The following SNTB1 variants were observed in gnomAD, a reference collection of about 807,000 sequenced individuals.
SNTB1 encodes beta-1-syntrophin.
A neutral mutation model predicts 48.9 loss-of-function variants in SNTB1; 36 were observed. The observed-to-expected ratio is 0.74, with a 90% confidence interval of 0.56 to 0.97. The LOEUF is 0.97. Among genes scored for constraint, SNTB1 ranks in the 50% least tolerant of loss-of-function variants. The pLI, the probability that SNTB1 is intolerant of heterozygous loss-of-function variation, is 0.00. For missense variants in SNTB1, 786 were observed against 703.4 expected, an observed-to-expected ratio of 1.12 and a Z score of -1.33; for synonymous variants, 299 against 294.6, an observed-to-expected ratio of 1.01 and a Z score of -0.15.
At chr8:120,586,423 C>T (rs1049238378) in intron 3 of SNTB1, among the ~76,000 whole-genome samples, 2 of 152,144 alleles carry the variant, frequency 1.3e-5, no homozygotes, top group Admixed American at 1.3e-4. Context: ...GGGGAGAACC[C>T]TCTTCCTTGC....
At chr8:120,727,168 T>G (rs1463366771) in intron 1 of SNTB1, among the ~76,000 whole-genome samples, 1 of 152,172 alleles carries the variant, frequency 6.6e-6, no homozygotes, top group East Asian at 1.9e-4. Flanking sequence ...CTCTGACATG[T>G]GGGGTCAAAG....
At chr8:120,702,400 C>T (rs1269298594) in intron 1 of SNTB1, among the ~76,000 whole-genome samples, 1 of 152,224 alleles carries the variant, frequency 6.6e-6, no homozygotes, top group African/African-American at 2.4e-5. Flanking sequence ...CAGAGAAGTA[C>T]TGTTTAATTC....
At chr8:120,644,727 G>A (rs1479383223) in intron 2 of SNTB1, among the ~76,000 whole-genome samples, 27 of 150,780 alleles carry the variant, frequency 1.8e-4, no homozygotes, top group Non-Finnish European at 4.0e-4. Flanking sequence ...AGATCCCTGA[G>A]GAATCACCAC....
chr8:120,574,405 T>C (rs1815914096), intron 4 of SNTB1, among the ~76,000 whole-genome samples: 1 of 152,064 alleles, frequency 6.6e-6, no homozygotes, highest in Non-Finnish European at 1.5e-5. Flanking sequence ...AAGGAGGAAA[T>C]TTTTGGAGGT....
At chr8:120,725,143 A>T (rs1818731598) in intron 1 of SNTB1, among the ~76,000 whole-genome samples, 1 of 152,174 alleles carries the variant, frequency 6.6e-6, no homozygotes, top group Non-Finnish European at 1.5e-5. Flanking sequence ...GGCTGGGAAG[A>T]AGGAGGTAAG....
chr8:120,598,355 G>C (rs1002446764), intron 3 of SNTB1, among the ~76,000 whole-genome samples: 1 of 152,160 alleles, frequency 6.6e-6, no homozygotes, highest in Non-Finnish European at 1.5e-5. Context: ...TGTAACACCA[G>C]CCCCACTTCT....
chr8:120,644,041 C>G (rs894151618), intron 2 of SNTB1, among the ~76,000 whole-genome samples: 30 of 152,150 alleles, frequency 2.0e-4, no homozygotes, highest in African/African-American at 7.0e-4. Flanking sequence ...CATAGAGAAG[C>G]TTTCAGATGA....
At chr8:120,802,523 G>T (rs1188419088) in intron 1 of SNTB1, among the ~76,000 whole-genome samples, 1 of 152,020 alleles carries the variant, frequency 6.6e-6, no homozygotes, top group Admixed American at 6.6e-5. Flanking sequence ...AAATACACCC[G>T]TGTGGAATCA....
chr8:120,771,226 C>T (rs938365732), intron 1 of SNTB1, among the ~76,000 whole-genome samples: 4 of 152,062 alleles, frequency 2.6e-5, no homozygotes, highest in Non-Finnish European at 5.9e-5. Flanking sequence ...GGTCCAGGTA[C>T]CCAGACAATA....
chr8:120,744,107 G>A (rs1366705702), intron 1 of SNTB1, among the ~76,000 whole-genome samples: 2 of 136,822 alleles, frequency 1.5e-5, no homozygotes, highest in Non-Finnish European at 3.2e-5. Context: ...TCAAGCCTGG[G>A]TGACCCTGTC....
At chr8:120,759,033 A>G (rs755694926) in intron 1 of SNTB1, among the ~76,000 whole-genome samples, 7 of 151,988 alleles carry the variant, frequency 4.6e-5, no homozygotes, top group Non-Finnish European at 8.8e-5. Flanking sequence ...AGCCTCCCAA[A>G]GTGCAAGGAT....
chr8:120,588,664 T>G (rs1436960350), intron 3 of SNTB1, among the ~76,000 whole-genome samples: 1 of 152,218 alleles, frequency 6.6e-6, no homozygotes, highest in Non-Finnish European at 1.5e-5. Flanking sequence ...GTTACTTATC[T>G]TCTCCATGCT....
intron 1 of SNTB1, among the ~76,000 whole-genome samples, chr8:120,743,153 T>A (rs2130010649): frequency 6.6e-6 from 1 of 152,302 alleles, no homozygotes. Flanking sequence ...TTCTTCTTTA[T>A]GGGTTTTTCT....
At chr8:120,626,122 A>G (rs1319628485) in intron 3 of SNTB1, among the ~76,000 whole-genome samples, 1 of 152,176 alleles carries the variant, frequency 6.6e-6, no homozygotes, top group East Asian at 1.9e-4. Context: ...CTAGTTACCT[A>G]GAATTGGGGG....
Position 120,744,258 on chromosome 8 carries a change from ACAT to A in SNTB1, c.572-50353_572-50351del, listed in dbSNP as rs1360997171. Among the ~76,000 whole-genome samples, 29 of 152,194 alleles carry A rather than the reference ACAT, an allele frequency of 1.9e-4. No homozygotes were observed. In the East Asian group the frequency reaches 2.1e-3, roughly 11 times the overall value. On this transcript the variant is annotated intron_variant, in intron 1 of 6. Transcript: ENST00000517992. ...AATCAATGCTTGGAAGAGTACATCTACATCTCTTACTCTAAAAATTAACTAGCA... is the reference window on the plus strand; with the variant it reads ...AATCAATGCTTGGAAGAGTACATCTACTCTTACTCTAAAAATTAACTAGCA...
At chr8:120,614,397 C>T (rs1182340119) in intron 3 of SNTB1, among the ~76,000 whole-genome samples, 19 of 152,228 alleles carry the variant, frequency 1.2e-4, no homozygotes, top group Admixed American at 1.2e-3. Context: ...ACAAATTAGA[C>T]ACAACTCCTT....
intron 1 of SNTB1, among the ~76,000 whole-genome samples, chr8:120,807,249 A>G (rs1820349547): frequency 6.6e-6 from 1 of 152,240 alleles, no homozygotes; most frequent in Non-Finnish European, 1.5e-5. Flanking sequence ...GACCTATTTC[A>G]AATTACTATT....
chr8:120,649,638 C>G (rs1315343844), intron 2 of SNTB1, among the ~76,000 whole-genome samples: 2 of 150,148 alleles, frequency 1.3e-5, no homozygotes, highest in Non-Finnish European at 3.0e-5. Flanking sequence ...GTGCCCTGCC[C>G]CCAGAGGTGG....
intron 3 of SNTB1, among the ~76,000 whole-genome samples, chr8:120,586,079 G>A (rs1487001717): frequency 6.6e-6 from 1 of 152,148 alleles, no homozygotes; most frequent in Non-Finnish European, 1.5e-5. Flanking sequence ...TCTAGAAAAG[G>A]AGTCATAAAT....
Sources: allele counts gnomAD v4.1 joint callset (sites outside exome capture counted in the v4.1 genomes callset), GRCh38; gene constraint gnomAD v4.1.1; transcripts MANE v1.5; gene names NCBI Gene and HGNC (gene_info 2026-07-23, HGNC 2026-07-21).